The following ETV6 variants were observed in gnomAD, a reference collection of about 807,000 sequenced individuals.
ETV6 encodes the protein ETS variant transcription factor 6, also known as transcription factor ETV6.
Under a neutral mutation model 51.1 loss-of-function variants are expected in ETV6, and 16 were observed. That is an observed-to-expected ratio of 0.31 (90% CI 0.21 to 0.48). ETV6 has a LOEUF of 0.48. Among genes scored for constraint, ETV6 ranks in the 20% least tolerant of loss-of-function variants. ETV6 has a pLI of 0.99. For synonymous variants in ETV6, 240 were observed against 224.1 expected (o/e 1.07, Z -0.64); for missense variants, 458 against 594.8 (o/e 0.77, Z 2.39).
chr12:11,669,404 T>G (rs1331921402), intron 1 of ETV6, among the ~76,000 whole-genome samples: 8 of 136,894 alleles, frequency 5.8e-5, no homozygotes, highest in South Asian at 2.6e-4. Flanking sequence ...CTTTCCTCCT[T>G]TCCTCCCTTC....
At chr12:11,663,060 G>A (rs976187765) in intron 1 of ETV6, among the ~76,000 whole-genome samples, 3 of 152,346 alleles carry the variant, frequency 2.0e-5, no homozygotes, top group Admixed American at 1.3e-4. Context: ...ACATCTCTCC[G>A]CTGGTCCTAG....
At chr12:11,754,665 C>T (rs1944980591) in intron 2 of ETV6, among the ~76,000 whole-genome samples, 1 of 152,338 alleles carries the variant, frequency 6.6e-6, no homozygotes. Context: ...TCATCTGAGG[C>T]ATCATTCTCC....
chr12:11,779,883 C>T (rs980583084), intron 2 of ETV6, among the ~76,000 whole-genome samples: 1 of 152,132 alleles, frequency 6.6e-6, no homozygotes, highest in Non-Finnish European at 1.5e-5. Context: ...CCATTCATTC[C>T]CTTCTGCATT....
chr12:11,816,380 G>T (rs1945994020), intron 2 of ETV6, among the ~76,000 whole-genome samples: 1 of 152,126 alleles, frequency 6.6e-6, no homozygotes, highest in South Asian at 2.1e-4. Flanking sequence ...AAGTAGCTGG[G>T]ACTACAGGTG....
In ETV6 at chr12:11,667,884, CAG is replaced by C. The variant is rs780785328; in HGVS notation, c.33+17728_33+17729del. 6.1e-4 allele frequency among the ~76,000 whole-genome samples: 92 copies of C among 151,594 alleles called. 1 individual carries two copies. Among genetic ancestry groups the C allele is most frequent in the Non-Finnish European group, 2.5e-4 (17 of 67,890 alleles). On this transcript the variant is annotated intron_variant, in intron 1 of 7. Coordinates refer to ENST00000396373, the MANE Select transcript of ETV6 (RefSeq NM_001987.5). ...GCCCAGCTAAATTTTGTATTTTTAG[CAG>C]AGACAGAGTTTCACCATCTTGGCCA...
intron 2 of ETV6, among the ~76,000 whole-genome samples, chr12:11,833,668 G>A (rs139902805): frequency 6.6e-6 from 1 of 152,232 alleles, no homozygotes; most frequent in African/African-American, 2.4e-5. Context: ...TCCATAAATG[G>A]GGATCATTCC....
chr12:11,807,231 A>T (rs1333852481), intron 2 of ETV6, among the ~76,000 whole-genome samples: 3 of 152,264 alleles, frequency 2.0e-5, no homozygotes, highest in Non-Finnish European at 2.9e-5. Flanking sequence ...ATTGTAGCAG[A>T]AGCAGGCGTC....
At chr12:11,667,979 C>G (rs1266911413) in intron 1 of ETV6, among the ~76,000 whole-genome samples, 3 of 151,906 alleles carry the variant, frequency 2.0e-5, no homozygotes, top group African/African-American at 7.3e-5. Flanking sequence ...GGATTACAGC[C>G]GTGAGCCACC....
rs1256598875 is a variant in ETV6 at position 11,893,825 on chromosome 12, TATATATATATATATATACAC to T, written c.*2781_*2800del. The T allele has an allele frequency of 1.6e-5, 2 of 124,196 alleles. No homozygotes were observed. Among genetic ancestry groups the T allele is most frequent in the Non-Finnish European group, 3.0e-5 (2 of 66,730 alleles). 7.7% of individuals were successfully genotyped at this position (124,196 alleles called of 1,614,324 possible). A position where few individuals can be genotyped will look rare whatever the true frequency, so the allele number is the denominator to read the frequency against. ...ATATATATATATATATATATATATA[TATATATATATATATATACAC>T]ACACACACACATACACAAATATTCC... On this transcript the variant is annotated 3_prime_UTR_variant, in exon 8 of 8. Transcript: ENST00000396373.
chr12:11,841,854 G>A (rs917138569), intron 3 of ETV6, among the ~76,000 whole-genome samples: 8 of 151,980 alleles, frequency 5.3e-5, no homozygotes, highest in Non-Finnish European at 7.4e-5. Context: ...AGGCCGAGGC[G>A]GGCGGATCAC....
rs1384299330 is a variant in ETV6 at position 11,756,519 on chromosome 12, A to G, written c.163+3940A>G. Reference sequence around the variant, plus strand: ...TTCTTTAAAGGAACATAAGCTTTTCATTGTAGCTTGAAAACACTTGAAAGA... The same window carrying G: ...TTCTTTAAAGGAACATAAGCTTTTCGTTGTAGCTTGAAAACACTTGAAAGA... On this transcript the variant is annotated intron_variant, in intron 2 of 7. Transcript: ENST00000396373. 2.0e-5 allele frequency among the ~76,000 whole-genome samples: 3 copies of G among 152,148 alleles called. No homozygotes were observed. In the East Asian group the frequency reaches 5.8e-4, roughly 29 times the overall value.
intron 4 of ETV6, among the ~76,000 whole-genome samples, chr12:11,867,333 T>C (rs1287003388): frequency 6.6e-6 from 1 of 152,184 alleles, no homozygotes; most frequent in Non-Finnish European, 1.5e-5. Flanking sequence ...TAGCAAAATA[T>C]CAAGATACTC....
intron 1 of ETV6, among the ~76,000 whole-genome samples, chr12:11,676,033 C>T (rs913439982): frequency 6.6e-6 from 1 of 152,092 alleles, no homozygotes. Context: ...TCTAAGGTTC[C>T]CATCTCATTC....
chr12:11,652,669 A>C lies in ETV6; in HGVS notation c.33+2509A>C, dbSNP rs1344426288. ...ACAAGTAGCGGGTCAGCAGGCAGAC[A>C]GTTCCTCAGCGGCTGGTGAGATGCA... On this transcript the variant is annotated intron_variant, in intron 1 of 7. Transcript: ENST00000396373. 5.3e-5 allele frequency among the ~76,000 whole-genome samples: 8 copies of C among 152,200 alleles called. 1 individual carries two copies. Among genetic ancestry groups the C allele is most frequent in the African/African-American group, 1.9e-4 (8 of 41,450 alleles).
chr12:11,773,849 G>A (rs374431258), intron 2 of ETV6, among the ~76,000 whole-genome samples: 6 of 152,344 alleles, frequency 3.9e-5, no homozygotes, highest in Middle Eastern at 3.4e-3. Context: ...ACAGGGCTGC[G>A]TTGCAAATGC....
At chr12:11,700,750 G>A (rs1001002051) in intron 1 of ETV6, among the ~76,000 whole-genome samples, 1 of 152,178 alleles carries the variant, frequency 6.6e-6, no homozygotes, top group East Asian at 1.9e-4. Context: ...TTCATGTTGA[G>A]TAGGCTGAAG....
chr12:11,814,132 T>G (rs1945956556), intron 2 of ETV6, among the ~76,000 whole-genome samples: 1 of 152,232 alleles, frequency 6.6e-6, no homozygotes, highest in Admixed American at 6.5e-5. Context: ...TGACAGCTGA[T>G]ATTTATAATG....
In ETV6 at chr12:11,894,025, G is replaced by A. The variant is rs1329135593; in HGVS notation, c.*2979G>A. 3 of 225,622 alleles carry A rather than the reference G, an allele frequency of 1.3e-5. No homozygotes were observed. Among genetic ancestry groups the A allele is most frequent in the Non-Finnish European group, 2.6e-5 (3 of 113,532 alleles). 14.0% of individuals were successfully genotyped at this position (225,622 alleles called of 1,614,324 possible). ...TCATTTGTTCTTTATGAGAAAACCC[G>A]GGTAGTGCCAGCACCTGGATACAGT... On this transcript the variant is annotated 3_prime_UTR_variant, in exon 8 of 8. Transcript: ENST00000396373.
intron 1 of ETV6, among the ~76,000 whole-genome samples, chr12:11,677,362 G>C (rs1482063804): frequency 6.6e-6 from 1 of 152,186 alleles, no homozygotes; most frequent in African/African-American, 2.4e-5. Flanking sequence ...CTCTGACTAA[G>C]AGAACATAGA....
Sources: gnomAD v4.1 joint callset for allele counts (sites outside exome capture counted in the v4.1 genomes callset) on GRCh38, gnomAD v4.1.1 for gene constraint, MANE v1.5 for transcripts, NCBI Gene and HGNC (gene_info 2026-07-23, HGNC 2026-07-21) for gene names.